OR51B5: variants seen among roughly 807,000 people sequenced by gnomAD.
The protein encoded by OR51B5 is olfactory receptor family 51 subfamily B member 5.
For missense variants in OR51B5, 456 were observed against 374.6 expected, an observed-to-expected ratio of 1.22 and a Z score of -1.79; for synonymous variants, 186 against 144.8, an observed-to-expected ratio of 1.28 and a Z score of -2.04.
chr11:5,367,860 T>TC (rs933227206), intron 1 of OR51B5, among the ~76,000 whole-genome samples: 4 of 152,222 alleles, frequency 2.6e-5, no homozygotes, highest in African/African-American at 9.6e-5. Flanking sequence ...GTATTTTTTT[T>TC]CACTTGTGCT....
At chr11:5,394,310 C>T (rs1490431400) in intron 1 of OR51B5, among the ~76,000 whole-genome samples, 3 of 152,004 alleles carry the variant, frequency 2.0e-5, no homozygotes, top group Admixed American at 6.6e-5. Flanking sequence ...AAATATCTTG[C>T]CCAATATTAT....
intron 1 of OR51B5, among the ~76,000 whole-genome samples, chr11:5,466,575 T>A (rs1005720382): frequency 2.0e-5 from 3 of 152,244 alleles, no homozygotes; most frequent in East Asian, 3.8e-4. Flanking sequence ...CTGAGCGCCA[T>A]GGATTCATCT....
intron 1 of OR51B5, among the ~76,000 whole-genome samples, chr11:5,424,010 C>G (rs2647570): frequency 0.38 from 57,929 of 151,918 alleles, 11,624 homozygotes; most frequent in East Asian, 0.7. Context: ...AGCAAATATT[C>G]TAGTACAGTG....
intron 1 of OR51B5, among the ~76,000 whole-genome samples, chr11:5,357,921 T>TA (rs1240862408): frequency 1.5e-4 from 23 of 151,794 alleles, no homozygotes; most frequent in African/African-American, 5.1e-4. Flanking sequence ...AAGGCAGAAA[T>TA]AAAAATGTTC....
chr11:5,426,731 GTC>G (rs763685711), intron 1 of OR51B5, among the ~76,000 whole-genome samples: 13 of 152,010 alleles, frequency 8.6e-5, no homozygotes, highest in African/African-American at 3.1e-4. Flanking sequence ...CAAAACCAAG[GTC>G]TCTCTCTGTC....
chr11:5,375,235 G>A (rs950217235), intron 1 of OR51B5, among the ~76,000 whole-genome samples: 19 of 149,254 alleles, frequency 1.3e-4, no homozygotes, highest in Non-Finnish European at 1.8e-4. Flanking sequence ...GCCAAACTAA[G>A]CTTCATAAGT....
intron 1 of OR51B5, among the ~76,000 whole-genome samples, chr11:5,375,645 G>A (rs2133711830): frequency 6.6e-6 from 1 of 152,136 alleles, no homozygotes; most frequent in African/African-American, 2.4e-5. Context: ...AACAAAAAAA[G>A]GCAGGGGTTG....
At chr11:5,420,772 A>G (rs1850321566) in intron 1 of OR51B5, among the ~76,000 whole-genome samples, 1 of 152,168 alleles carries the variant, frequency 6.6e-6, no homozygotes, top group Non-Finnish European at 1.5e-5. Context: ...GAATTGAGAG[A>G]TGAACCACCA....
intron 1 of OR51B5, among the ~76,000 whole-genome samples, chr11:5,438,491 T>C (rs951705109): frequency 2.0e-5 from 3 of 152,156 alleles, no homozygotes; most frequent in African/African-American, 7.2e-5. Flanking sequence ...TTCATTTAAA[T>C]AGTTGTTTGG....
intron 1 of OR51B5, among the ~76,000 whole-genome samples, chr11:5,476,907 C>G (rs879906028): frequency 6.6e-6 from 1 of 152,044 alleles, no homozygotes; most frequent in African/African-American, 2.4e-5. Context: ...CATTAACAGG[C>G]CATCGAAAAA....
chr11:5,346,114 C>T (rs191236927), upstream of OR51B5: 163 of 152,204 alleles, frequency 1.1e-3, no homozygotes, highest in African/African-American at 3.8e-3. Context: ...TGAAAAATTC[C>T]TTCTTATCAG....
intron 1 of OR51B5, chr11:5,352,473 A>G: frequency 7.0e-7 from 1 of 1,428,340 alleles, no homozygotes; most frequent in Non-Finnish European, 9.6e-7. Context: ...TCTGAGGAAT[A>G]ATTCAGGGGA....
chr11:5,462,116 TA>T (rs1001586012), intron 1 of OR51B5, among the ~76,000 whole-genome samples: 1 of 152,160 alleles, frequency 6.6e-6, no homozygotes, highest in Non-Finnish European at 1.5e-5. Context: ...AATATGTGAA[TA>T]ATAAAGTAAT....
At chr11:5,371,999 T>A (rs950421900) in intron 1 of OR51B5, among the ~76,000 whole-genome samples, 3 of 152,186 alleles carry the variant, frequency 2.0e-5, no homozygotes, top group Non-Finnish European at 4.4e-5. Context: ...CATGCCTTTA[T>A]TTGTTTCTGT....
intron 1 of OR51B5, among the ~76,000 whole-genome samples, chr11:5,414,867 G>A (rs1340343698): frequency 5.9e-5 from 9 of 152,098 alleles, no homozygotes; most frequent in East Asian, 3.9e-4. Context: ...ATAGATCAAC[G>A]AGACAGAAAG....
At chr11:5,452,504 C>CAAAAAAAAAAAAAAAA (rs56677841) in intron 1 of OR51B5, among the ~76,000 whole-genome samples, 8 of 69,214 alleles carry the variant, frequency 1.2e-4, no homozygotes, top group Admixed American at 2.1e-4. Flanking sequence ...GACTCTGTCT[C>CAAAAAAAAAAAAAAAA]AAAAAAAAAA....
At chr11:5,454,197 G>T in intron 1 of OR51B5, 2 of 1,597,284 alleles carry the variant, frequency 1.3e-6, no homozygotes, top group Non-Finnish European at 1.7e-6. Context: ...ACGCCTCAAA[G>T]CTCTCAACAC....
intron 1 of OR51B5, among the ~76,000 whole-genome samples, chr11:5,404,777 C>T (rs538974993): frequency 2.0e-5 from 3 of 152,260 alleles, no homozygotes; most frequent in East Asian, 1.9e-4. Context: ...AGCGAGACCA[C>T]GAATCCACCA....
chr11:5,358,844 C>G (rs2133695380), intron 1 of OR51B5, among the ~76,000 whole-genome samples: 1 of 152,134 alleles, frequency 6.6e-6, no homozygotes, highest in South Asian at 2.1e-4. Flanking sequence ...TCAACATATG[C>G]AAATCAATAA....
Sources: gnomAD v4.1 joint callset for allele counts (sites outside exome capture counted in the v4.1 genomes callset) on GRCh38, gnomAD v4.1.1 for gene constraint, MANE v1.5 for transcripts, NCBI Gene and HGNC (gene_info 2026-07-23, HGNC 2026-07-21) for gene names.